The following GRAMD1C variants were observed in gnomAD, a reference collection of about 807,000 sequenced individuals.
GRAMD1C encodes the protein GRAM domain containing 1C.
Under a neutral mutation model 97.8 loss-of-function variants are expected in GRAMD1C, and 89 were observed. The ratio of observed to expected loss-of-function variants is 0.91; its 90% CI spans 0.77 to 1.09. The LOEUF (loss-of-function observed/expected upper bound fraction) is 1.09. Among genes scored for constraint, GRAMD1C ranks in the 50% least tolerant of loss-of-function variants. GRAMD1C has a pLI of 0.00. For missense variants in GRAMD1C, 740 were observed against 766.4 expected (o/e 0.97, Z 0.41); for synonymous variants, 256 against 267.0 (o/e 0.96, Z 0.40).
chr3:113,840,265 G>A (rs989479628), intron 1 of GRAMD1C, among the ~76,000 whole-genome samples: 2 of 152,034 alleles, frequency 1.3e-5, no homozygotes, highest in African/African-American at 2.4e-5. Flanking sequence ...CACCGCGCCC[G>A]GCCCTGAAAA....
intron 2 of GRAMD1C, among the ~76,000 whole-genome samples, chr3:113,856,780 C>A (rs745962685): frequency 2.0e-5 from 3 of 151,782 alleles, no homozygotes; most frequent in Admixed American, 6.6e-5. Flanking sequence ...CTCAAGTGAT[C>A]TGCCTGCCTC....
At chr3:113,829,659 T>A (rs1709532894) in intron 1 of GRAMD1C, among the ~76,000 whole-genome samples, 1 of 152,216 alleles carries the variant, frequency 6.6e-6, no homozygotes, top group Admixed American at 6.5e-5. Flanking sequence ...TTGCTTTATT[T>A]ATTATTCTCT....
At chr3:113,839,005 G>T in intron 1 of GRAMD1C, 69 bp downstream of exon 1, 1 of 969,006 alleles carries the variant, frequency 1.0e-6, no homozygotes, top group Non-Finnish European at 1.3e-6. Flanking sequence ...CACGGTGATT[G>T]CTTGAACCTT....
Position 113,934,552 on chromosome 3 carries a change from A to AT in GRAMD1C, c.1456+20dup. The AT allele has an allele frequency of 9.0e-7, 1 of 1,107,604 alleles. No homozygotes were observed. Among genetic ancestry groups the AT allele is most frequent in the South Asian group, 1.4e-5 (1 of 71,334 alleles). The allele number at this position is 1,107,604 out of a possible 1,614,324, so 68.6% of individuals were successfully genotyped here. A position where few individuals can be genotyped will look rare whatever the true frequency, so the allele number is the denominator to read the frequency against. ...AACAGCTTGGTTTGTAAATTTTTTT[A>AT]TTTATCTATTTTTGTAAAGATGGGA... is the stretch of plus-strand genomic sequence containing the variant. On this transcript the variant is annotated intron_variant, in intron 13 of 17. Coordinates refer to ENST00000358160, the MANE Select transcript of GRAMD1C (RefSeq NM_017577.5).
At chr3:113,830,334 T>C (rs549837405) in intron 1 of GRAMD1C, among the ~76,000 whole-genome samples, 6 of 152,344 alleles carry the variant, frequency 3.9e-5, no homozygotes, top group African/African-American at 1.4e-4. Flanking sequence ...AGCCCTTTTC[T>C]ATTGGCACTG....
intron 6 of GRAMD1C, among the ~76,000 whole-genome samples, chr3:113,900,055 C>T (rs1166050309): frequency 6.6e-6 from 1 of 152,030 alleles, no homozygotes; most frequent in East Asian, 1.9e-4. Flanking sequence ...GGTTAGATTG[C>T]AGAACTAAAC....
intron 2 of GRAMD1C, among the ~76,000 whole-genome samples, chr3:113,865,024 G>A (rs1202879346): frequency 6.6e-6 from 1 of 152,152 alleles, no homozygotes; most frequent in Non-Finnish European, 1.5e-5. Context: ...TTTGGCTCAT[G>A]GTTCTGGAGG....
chr3:113,930,737 G>A lies in GRAMD1C; in HGVS notation c.1114G>A (p.Ala372Thr). 6.2e-7 allele frequency: 1 copy of A among 1,604,088 alleles called. No homozygotes were observed. Among genetic ancestry groups the A allele is most frequent in the Non-Finnish European group, 8.5e-7 (1 of 1,170,822 alleles). ...AGATGTAGTATCTACCCCTTGGACTGCAGAACTTGGAGGTGATCAGCTGAG... is the reference window on the plus strand; with the variant it reads ...AGATGTAGTATCTACCCCTTGGACTACAGAACTTGGAGGTGATCAGCTGAG... Reference protein sequence around the residue: ...IIDVVSTPWTAELGGDQLRTM... With the variant: ...IIDVVSTPWTTELGGDQLRTM... The change falls in exon 11 of 18, where the codon GCA becomes ACA. Residue 372 changes from alanine to threonine, a missense_variant. Transcript: ENST00000358160.
intron 13 of GRAMD1C, among the ~76,000 whole-genome samples, chr3:113,935,393 T>C (rs1273922791): frequency 6.6e-6 from 1 of 151,972 alleles, no homozygotes; most frequent in African/African-American, 2.4e-5. Context: ...AGTATGTACA[T>C]GTATGGATTT....
upstream of GRAMD1C, among the ~76,000 whole-genome samples, chr3:113,835,953 T>C (rs1274364827): frequency 6.6e-6 from 1 of 152,212 alleles, no homozygotes; most frequent in Non-Finnish European, 1.5e-5. Flanking sequence ...TCCTTTAGTA[T>C]GTCATATATA....
intron 6 of GRAMD1C, chr3:113,885,252 C>G: frequency 8.4e-7 from 1 of 1,184,598 alleles, no homozygotes; most frequent in African/African-American, 1.5e-5. Flanking sequence ...GCTGGCGGAG[C>G]TGGGCCGTGG....
intron 6 of GRAMD1C, among the ~76,000 whole-genome samples, chr3:113,887,096 GT>G (rs59820635): frequency 0.014 from 1,328 of 94,048 alleles, 28 homozygotes; most frequent in African/African-American, 0.035. Context: ...TTTTTTTTTT[GT>G]TTTTTTTTTT....
intron 17 of GRAMD1C, among the ~76,000 whole-genome samples, chr3:113,943,147 G>T (rs565178779): frequency 1.3e-5 from 2 of 152,168 alleles, no homozygotes; most frequent in Admixed American, 6.5e-5. Context: ...TGTTCTTCCC[G>T]CATGGTTTCC....
intron 9 of GRAMD1C, 73 bp from the exon 10 acceptor site, chr3:113,915,628 C>T (rs528976814): frequency 8.1e-5 from 99 of 1,226,220 alleles, no homozygotes; most frequent in Non-Finnish European, 9.7e-5. Flanking sequence ...GAAAACCCCA[C>T]GAAACCCCCT....
chr3:113,916,293 C>T (rs542586225), intron 10 of GRAMD1C, among the ~76,000 whole-genome samples: 1 of 152,248 alleles, frequency 6.6e-6, no homozygotes, highest in South Asian at 2.1e-4. Flanking sequence ...CTCTGAATGA[C>T]GTACTACAGT....
intron 6 of GRAMD1C, chr3:113,885,586 T>C (rs770214300): frequency 6.5e-7 from 1 of 1,541,208 alleles, no homozygotes; most frequent in Admixed American, 1.7e-5. Context: ...ATCCTCAAGG[T>C]GGTAATAGAC....
chr3:113,906,126 C>T (rs1461069721), intron 8 of GRAMD1C, among the ~76,000 whole-genome samples: 2 of 152,084 alleles, frequency 1.3e-5, no homozygotes, highest in Non-Finnish European at 2.9e-5. Context: ...GCTGCCAGGC[C>T]TATAAAGGTA....
intron 9 of GRAMD1C, among the ~76,000 whole-genome samples, chr3:113,910,759 G>C (rs1936537802): frequency 6.6e-6 from 1 of 152,140 alleles, no homozygotes; most frequent in Non-Finnish European, 1.5e-5. Context: ...GCTGAAGAAT[G>C]AGGTGGACTT....
intron 2 of GRAMD1C, among the ~76,000 whole-genome samples, chr3:113,855,391 C>T (rs1415391197): frequency 6.6e-6 from 1 of 151,904 alleles, no homozygotes; most frequent in African/African-American, 2.4e-5. Context: ...TTTCTATCAC[C>T]TTAGTAATAC....
Sources: allele counts gnomAD v4.1 joint callset (sites outside exome capture counted in the v4.1 genomes callset), GRCh38; gene constraint gnomAD v4.1.1; transcripts MANE v1.5; gene names NCBI Gene and HGNC (gene_info 2026-07-23, HGNC 2026-07-21).